Variants in DLGAP2 observed in about 807,000 individuals in gnomAD.
DLGAP2 encodes disks large-associated protein 2.
DLGAP2 carries 26 observed loss-of-function variants against 100.3 expected under a neutral mutation model. That is an observed-to-expected ratio of 0.26 (90% CI 0.19 to 0.36). The LOEUF (loss-of-function observed/expected upper bound fraction) is 0.36. Among genes scored for constraint, DLGAP2 ranks in the 10% least tolerant of loss-of-function variants. DLGAP2 has a pLI of 1.00. For synonymous variants in DLGAP2, 886 were observed against 630.1 expected (o/e 1.41, Z -6.08); for missense variants, 1,858 against 1,453.2 (o/e 1.28, Z -4.53).
intron 3 of DLGAP2, among the ~76,000 whole-genome samples, chr8:1,445,019 C>G (rs1423870217): frequency 1.3e-5 from 2 of 151,336 alleles, no homozygotes; most frequent in Non-Finnish European, 2.9e-5. Context: ...ATCCACCCAC[C>G]TCGGCCTCCC....
chr8:1,159,026 T>A (rs1015909950), intron 2 of DLGAP2, among the ~76,000 whole-genome samples: 1 of 152,236 alleles, frequency 6.6e-6, no homozygotes, highest in Non-Finnish European at 1.5e-5. Context: ...GAAAACACTT[T>A]CTTGTTAACC....
At chr8:807,730 T>A (rs1446349269) in intron 1 of DLGAP2, among the ~76,000 whole-genome samples, 1 of 152,226 alleles carries the variant, frequency 6.6e-6, no homozygotes, top group African/African-American at 2.4e-5. Context: ...TGTCCCTGTG[T>A]GTTTTTCCAT....
chr8:1,372,564 C>T (rs1271781925), intron 3 of DLGAP2, among the ~76,000 whole-genome samples: 1 of 152,136 alleles, frequency 6.6e-6, no homozygotes, highest in African/African-American at 2.4e-5. Flanking sequence ...GCATCACTGG[C>T]TGCTGCCTGC....
intron 2 of DLGAP2, among the ~76,000 whole-genome samples, chr8:1,046,590 C>T (rs1052405652): frequency 2.6e-5 from 4 of 152,210 alleles, no homozygotes; most frequent in African/African-American, 7.2e-5. Context: ...TCTGTGTTTC[C>T]TTCATCCCCA....
At chr8:1,211,760 A>G (rs1016217513) in intron 2 of DLGAP2, among the ~76,000 whole-genome samples, 1 of 152,214 alleles carries the variant, frequency 6.6e-6, no homozygotes, top group African/African-American at 2.4e-5. Flanking sequence ...CTGTAATCCC[A>G]GCTACTCAGG....
intron 2 of DLGAP2, among the ~76,000 whole-genome samples, chr8:1,147,848 A>G (rs1472790104): frequency 1.3e-5 from 2 of 152,230 alleles, no homozygotes; most frequent in African/African-American, 4.8e-5. Flanking sequence ...AATAAATACA[A>G]TAATTTTATA....
chr8:914,331 C>G (rs1323192033), intron 2 of DLGAP2, among the ~76,000 whole-genome samples: 1 of 152,204 alleles, frequency 6.6e-6, no homozygotes. Flanking sequence ...TCCTCTCTCT[C>G]TCTGCCCAGC....
intron 3 of DLGAP2, among the ~76,000 whole-genome samples, chr8:1,429,772 A>G: frequency 6.6e-6 from 1 of 151,374 alleles, no homozygotes; most frequent in Non-Finnish European, 1.5e-5. Context: ...CATAGAGGAT[A>G]TTCAGTGCAT....
At chr8:1,583,421 G>A (rs796927957) in intron 6 of DLGAP2, among the ~76,000 whole-genome samples, 19 of 152,286 alleles carry the variant, frequency 1.2e-4, no homozygotes, top group African/African-American at 4.6e-4. Flanking sequence ...GGCAAGCTGG[G>A]TACCTGGCCT....
intron 14 of DLGAP2, among the ~76,000 whole-genome samples, chr8:1,699,664 C>T (rs1481089771): frequency 7.2e-5 from 11 of 152,074 alleles, no homozygotes; most frequent in East Asian, 1.9e-4. Context: ...GGGCAGAGCA[C>T]GCCAGTCCAG....
At chr8:908,687 G>T (rs1239006003) in intron 2 of DLGAP2, among the ~76,000 whole-genome samples, 1 of 152,178 alleles carries the variant, frequency 6.6e-6, no homozygotes, top group Non-Finnish European at 1.5e-5. Flanking sequence ...CAAGATTTCT[G>T]ATTTATTTTT....
rs557800165 is a variant in DLGAP2 at position 1,199,999 on chromosome 8, G to T, written c.74-58852G>T. Among the ~76,000 whole-genome samples the T allele has an allele frequency of 2.6e-4, 40 of 152,222 alleles. No homozygotes were observed. The South Asian group carries it at 7.7e-3, about 29-fold the overall frequency. On this transcript the variant is annotated intron_variant, in intron 2 of 14. Transcript: ENST00000637795. ...AGGGGTCAGTCTGTGCATCCCCGGG[G>T]GTCCCATCCTGTGGAAAAGTGTGGG... is the stretch of plus-strand genomic sequence containing the variant.
intron 3 of DLGAP2, among the ~76,000 whole-genome samples, chr8:1,351,755 CTA>C (rs1491275480): frequency 2.2e-5 from 1 of 45,810 alleles, no homozygotes; most frequent in African/African-American, 6.3e-5. Flanking sequence ...CGGGTCCTGA[CTA>C]TGTGTGGAAA....
chr8:1,313,370 C>G (rs1403244940), intron 3 of DLGAP2, among the ~76,000 whole-genome samples: 1 of 152,196 alleles, frequency 6.6e-6, no homozygotes, highest in Non-Finnish European at 1.5e-5. Context: ...CCACTGGATT[C>G]TGGAGGAATC....
intron 3 of DLGAP2, among the ~76,000 whole-genome samples, chr8:1,440,240 A>G (rs1163688413): frequency 6.6e-6 from 1 of 152,230 alleles, no homozygotes; most frequent in East Asian, 1.9e-4. Flanking sequence ...TAAATCGGGT[A>G]TCTATTTTGA....
intron 3 of DLGAP2, among the ~76,000 whole-genome samples, chr8:1,392,887 C>T (rs13272231): frequency 0.32 from 43,090 of 133,532 alleles, 7,367 homozygotes; most frequent in East Asian, 0.6. Context: ...TGTGACGTTT[C>T]TGTTTTTTTT....
At chr8:1,484,494 G>T (rs1799188131) in intron 3 of DLGAP2, among the ~76,000 whole-genome samples, 1 of 152,226 alleles carries the variant, frequency 6.6e-6, no homozygotes, top group African/African-American at 2.4e-5. Context: ...GCCGACCCAG[G>T]GTCCTCCATG....
intron 2 of DLGAP2, among the ~76,000 whole-genome samples, chr8:1,242,315 G>A (rs762203543): frequency 1.2e-3 from 178 of 152,176 alleles, no homozygotes; most frequent in Non-Finnish European, 8.7e-4. Flanking sequence ...GGGGCAGGGC[G>A]GGGTTCTGGA....
At chr8:974,996 C>T (rs1800126455) in intron 2 of DLGAP2, among the ~76,000 whole-genome samples, 1 of 152,038 alleles carries the variant, frequency 6.6e-6, no homozygotes, top group Non-Finnish European at 1.5e-5. Flanking sequence ...AACCTCTGAC[C>T]AGGCTAATGA....
Sources: gnomAD v4.1 joint callset for allele counts (sites outside exome capture counted in the v4.1 genomes callset) on GRCh38, gnomAD v4.1.1 for gene constraint, MANE v1.5 for transcripts, NCBI Gene and HGNC (gene_info 2026-07-23, HGNC 2026-07-21) for gene names.